OXTR: variants seen among roughly 807,000 people sequenced by gnomAD.
OXTR encodes the protein oxytocin receptor.
A neutral mutation model predicts 23.9 loss-of-function variants in OXTR; 19 were observed. That is an observed-to-expected ratio of 0.80 (90% CI 0.56 to 1.17). The LOEUF is 1.17. Among genes scored for constraint, OXTR ranks in the 50% most tolerant of loss-of-function variants. The pLI is 0.00. For synonymous variants in OXTR, 278 were observed against 250.5 expected (o/e 1.11, Z -1.04); for missense variants, 500 against 550.7 (o/e 0.91, Z 0.92).
chr3:8,745,637 T>C, downstream of OXTR: 7 of 1,614,128 alleles, frequency 4.3e-6, no homozygotes, highest in Non-Finnish European at 5.9e-6. This position sits in a 1 kb window ranked among gnomAD's most constrained non-coding sequence, Gnocchi z 4.8. Flanking sequence ...CTACCGTCTG[T>C]TGTCCACGCT....
Position 8,756,676 on chromosome 3 carries a change from C to T in OXTR, c.923-3452G>A, listed in dbSNP as rs992067349. ...CCCTGAGTACCCATTCCTCTAGCTGCCCAAGAGCTGCCTGCCAAATGCTCA... is the reference window on the plus strand; with the variant it reads ...CCCTGAGTACCCATTCCTCTAGCTGTCCAAGAGCTGCCTGCCAAATGCTCA... On this transcript the variant is annotated intron_variant, in intron 3 of 3. Coordinates refer to ENST00000316793, the MANE Select transcript of OXTR (RefSeq NM_000916.4). Among the ~76,000 whole-genome samples the T allele has an allele frequency of 3.9e-5, 6 of 152,302 alleles. No individual in the cohort carries two copies. The South Asian group carries it at 1.0e-3, about 26-fold the overall frequency.
intron 3 of OXTR, among the ~76,000 whole-genome samples, chr3:8,753,901 T>C (rs237886): frequency 0.57 from 86,151 of 151,938 alleles, 24,643 homozygotes; most frequent in African/African-American, 0.58. Context: ...GAGTCATGGC[T>C]GGCCCCACAA....
In OXTR at chr3:8,762,497, C is replaced by T. The variant is rs1708509925; in HGVS notation, c.922+4769G>A. ...TGTCCATCTAATTGTGATTTGTACC[C>T]AGAAGGGCCGAGCTTGTGCACTCTT... is the stretch of plus-strand genomic sequence containing the variant. On this transcript the variant is annotated intron_variant, in intron 3 of 3. Coordinates refer to ENST00000316793, the MANE Select transcript of OXTR (RefSeq NM_000916.4). 2.0e-5 allele frequency among the ~76,000 whole-genome samples: 3 copies of T among 152,194 alleles called. No homozygotes were observed. The South Asian group carries it at 6.2e-4, about 32-fold the overall frequency.
downstream of OXTR, chr3:8,745,795 C>T (rs773934743): frequency 2.9e-5 from 47 of 1,613,926 alleles, no homozygotes; most frequent in Admixed American, 1.2e-4. The surrounding 1 kb of genome is among the most constrained non-coding windows in gnomAD (Gnocchi z 4.8). Flanking sequence ...TCCGCACCTT[C>T]TGCAACCCAC....
At chr3:8,766,412 TG>T (rs1708607616) in intron 3 of OXTR, among the ~76,000 whole-genome samples, 1 of 152,220 alleles carries the variant, frequency 6.6e-6, no homozygotes, top group Admixed American at 6.5e-5. Context: ...AGGCCAAGAA[TG>T]GACAATTGCC....
chr3:8,749,526 C>G (rs1708219705), downstream of OXTR, among the ~76,000 whole-genome samples: 1 of 152,152 alleles, frequency 6.6e-6, no homozygotes, highest in Non-Finnish European at 1.5e-5. Context: ...TGAATGCTAA[C>G]AGACCCCACT....
intron 3 of OXTR, among the ~76,000 whole-genome samples, chr3:8,760,152 G>A (rs907278392): frequency 1.6e-4 from 25 of 152,172 alleles, no homozygotes; most frequent in African/African-American, 5.8e-4. Flanking sequence ...ATTCCACCCT[G>A]TATACAACCT....
intron 3 of OXTR, among the ~76,000 whole-genome samples, chr3:8,761,112 G>A (rs1310567067): frequency 1.3e-5 from 2 of 152,090 alleles, no homozygotes; most frequent in Non-Finnish European, 2.9e-5. Context: ...ATACACACAC[G>A]CCAAAGACTG....
chr3:8,755,433 C>T (rs1231513033), intron 3 of OXTR, among the ~76,000 whole-genome samples: 1 of 152,274 alleles, frequency 6.6e-6, no homozygotes, highest in Non-Finnish European at 1.5e-5. Context: ...ACAATCTTAT[C>T]TGTTCATTTA....
intron 3 of OXTR, among the ~76,000 whole-genome samples, chr3:8,764,828 T>C (rs1408991286): frequency 6.6e-6 from 1 of 152,210 alleles, no homozygotes; most frequent in Admixed American, 6.5e-5. Flanking sequence ...AGCAGCATCA[T>C]GAATCCCTGC....
At chr3:8,753,564 T>C (rs1364129269) in intron 3 of OXTR, among the ~76,000 whole-genome samples, 3 of 152,210 alleles carry the variant, frequency 2.0e-5, no homozygotes, top group Non-Finnish European at 4.4e-5. Context: ...ACTCACCCAA[T>C]GAATGTTGAG....
chr3:8,746,153 T>C, downstream of OXTR: 1 of 391,168 alleles, frequency 2.6e-6, no homozygotes, highest in Non-Finnish European at 4.7e-6. Flanking sequence ...CGTTCACTTG[T>C]ACTGTAACAA....
chr3:8,763,955 A>G (rs1270459267), intron 3 of OXTR, among the ~76,000 whole-genome samples: 1 of 151,828 alleles, frequency 6.6e-6, no homozygotes, highest in Non-Finnish European at 1.5e-5. Flanking sequence ...CAGTTTCCTT[A>G]TATCTATTTT....
At chr3:8,757,172 C>T (rs1708390858) in intron 3 of OXTR, among the ~76,000 whole-genome samples, 1 of 151,774 alleles carries the variant, frequency 6.6e-6, no homozygotes, top group African/African-American at 2.4e-5. Context: ...TTATCTGTAG[C>T]ATGGAGGCGG....
In OXTR at chr3:8,753,158, A is replaced by C; in HGVS notation, c.989T>G (p.Met330Arg). The C allele has an allele frequency of 6.2e-7, 1 of 1,614,106 alleles. No individual in the cohort carries two copies. ...GTGGAAGAGGTGGCCCGTGAACAGC[A>C]TGTAGATCCAGGGGTTGCAGCAGCT... The part of the protein sequence containing the change: ...LNSCCNPWIY[M>R]LFTGHLFHEL... Residue 330 changes from methionine (M) to arginine (R), a missense_variant, in exon 4 of 4, where the codon ATG (methionine) becomes AGG (arginine). Transcript: ENST00000316793.
chr3:8,753,094 G>T lies in OXTR; in HGVS notation c.1053C>A (p.Tyr351Ter). The T allele has an allele frequency of 1.2e-6, 2 of 1,614,126 alleles. No individual in the cohort carries two copies. Among genetic ancestry groups the T allele is most frequent in the Non-Finnish European group, 1.7e-6 (2 of 1,180,018 alleles). Residue 351 changes from tyrosine (Y) to a stop codon, truncating the protein, a stop_gained, in exon 4 of 4, where the codon TAC (tyrosine) becomes TAA (stop). Coordinates refer to ENST00000316793, the MANE Select transcript of OXTR (RefSeq NM_000916.4). LOFTEE classifies it high-confidence loss of function. Reference protein sequence around the residue: ...VQRFLCCSASYLKGRRLGETS... With the variant: ...VQRFLCCSAS ...TCTCTCCCAGGCGTCTGCCCTTCAGGTAGCTGGCGGAGCAGCACAGGAAGC... is the reference window on the plus strand; with the variant it reads ...TCTCTCCCAGGCGTCTGCCCTTCAGTTAGCTGGCGGAGCAGCACAGGAAGC...
Position 8,751,723 on chromosome 3 carries a change from G to A in OXTR, c.*1254C>T, listed in dbSNP as rs11131147. The A allele has an allele frequency of 0.089, 13,594 of 151,974 alleles. 716 individuals carry two copies. The highest frequency in any genetic ancestry group is 0.13 in the Non-Finnish European group (8,703 of 67,924). 9.4% of individuals were successfully genotyped at this position (151,974 alleles called of 1,614,324 possible). A position where few individuals can be genotyped will look rare whatever the true frequency, so the allele number is the denominator to read the frequency against. Reference sequence around the variant, plus strand: ...TGTTCATATCTGTACTCTTTATTCTGCTCCGTATGTCTATCCTTAAACCAG... The same window carrying A: ...TGTTCATATCTGTACTCTTTATTCTACTCCGTATGTCTATCCTTAAACCAG... On this transcript the variant is annotated 3_prime_UTR_variant, in exon 4 of 4. Transcript: ENST00000316793.
At position 8,752,974 on chromosome 3, in the gene OXTR, GGGT is replaced by G; in HGVS notation, c.1170_*2del. 6.2e-7 allele frequency: 1 copy of G among 1,608,610 alleles called. No homozygotes were observed. ...GGCTGCAGCCCTGGCCCTGGCTGGTGGGTCACGCCGTGGATGGCTGGGAGCAGC... is the reference window on the plus strand; with the variant it reads ...GGCTGCAGCCCTGGCCCTGGCTGGTGCACGCCGTGGATGGCTGGGAGCAGC... On this transcript the variant is annotated stop_lost and 3_prime_UTR_variant, in exon 4 of 4. Transcript: ENST00000316793.
chr3:8,766,149 G>T (rs974354850), intron 3 of OXTR, among the ~76,000 whole-genome samples: 1 of 152,162 alleles, frequency 6.6e-6, no homozygotes, highest in African/African-American at 2.4e-5. Context: ...TCCAGCACGC[G>T]TTATGGGATT....
Sources: allele counts gnomAD v4.1 joint callset (sites outside exome capture counted in the v4.1 genomes callset), GRCh38; gene constraint gnomAD v4.1.1; non-coding constraint Gnocchi (gnomAD v3.1); transcripts MANE v1.5; gene names NCBI Gene and HGNC (gene_info 2026-07-23, HGNC 2026-07-21).